MRC2: variants seen among roughly 807,000 people sequenced by gnomAD.
MRC2 encodes C-type mannose receptor 2.
A neutral mutation model predicts 206.2 loss-of-function variants in MRC2; 84 were observed. The observed-to-expected ratio is 0.41, with a 90% CI of 0.34 to 0.49. The LOEUF is 0.49. MRC2 is among the 20% of genes least tolerant of loss of function. The probability of loss-of-function intolerance (pLI) is 0.31; values close to 1 mark genes in which losing one functional copy is unlikely to be tolerated. For missense variants in MRC2, 1,676 were observed against 2,001.5 expected, an observed-to-expected ratio of 0.84 and a Z score of 3.10; for synonymous variants, 798 against 800.0, an observed-to-expected ratio of 1.00 and a Z score of 0.04.
Position 62,680,486 on chromosome 17 carries a change from C to A in MRC2, c.2473+33C>A, listed in dbSNP as rs1209520932. 1 of 1,613,362 alleles carries A rather than the reference C, an allele frequency of 6.2e-7. No individual in the cohort carries two copies. Among genetic ancestry groups the A allele is most frequent in the Non-Finnish European group, 8.5e-7 (1 of 1,179,710 alleles). ...CCCCCCAGCCCATCCCGCTACCCAT[C>A]GCGTGGGAGAGGGCGTCAACTCTGG... On this transcript the variant is annotated intron_variant, in intron 16 of 29. Coordinates refer to ENST00000303375, the MANE Select transcript of MRC2 (RefSeq NM_006039.5). This position sits in a 1 kb window ranked among gnomAD's most constrained non-coding sequence, Gnocchi z 4.8.
chr17:62,680,049 T>C lies in MRC2; in HGVS notation c.2299-121T>C, dbSNP rs2088942691. 11 of 1,531,392 alleles carry C rather than the reference T, an allele frequency of 7.2e-6. No individual in the cohort carries two copies. In the South Asian group the frequency reaches 1.4e-4, roughly 19 times the overall value. 94.9% of individuals were successfully genotyped at this position (1,531,392 alleles called of 1,614,324 possible). ...TTCAGGAAAGCAGGTCCGAGAGGGG[T>C]CACCCGGCCCCCGGTGAGAATTCGC... On this transcript the variant is annotated intron_variant, in intron 14 of 29. Transcript: ENST00000303375. The surrounding 1 kb of genome is among the most constrained non-coding windows in gnomAD (Gnocchi z 4.8).
At chr17:62,646,184 C>T (rs533981755) in intron 1 of MRC2, among the ~76,000 whole-genome samples, 1 of 152,026 alleles carries the variant, frequency 6.6e-6, no homozygotes, top group South Asian at 2.1e-4. Flanking sequence ...GCCACCATGC[C>T]CAGCTAATTT....
chr17:62,676,580 G>T lies in MRC2; in HGVS notation c.1834+49G>T. The T allele has an allele frequency of 2.6e-6, 4 of 1,543,270 alleles. 1 individual carries two copies. Among genetic ancestry groups the T allele is most frequent in the Non-Finnish European group, 3.5e-6 (4 of 1,145,774 alleles). On this transcript the variant is annotated intron_variant, in intron 11 of 29. Transcript: ENST00000303375. Reference sequence around the variant, plus strand: ...TTGGTGAAGCGAGGAGGGAGGCCAGGGTGGACTGGCCCTGCCAGCACCGAG... The same window carrying T: ...TTGGTGAAGCGAGGAGGGAGGCCAGTGTGGACTGGCCCTGCCAGCACCGAG...
Position 62,682,362 on chromosome 17 carries a change from C to T in MRC2, c.2931C>T (p.Ile977=). The part of the protein sequence containing the change: ...TALGGCPSDW[I]QFLNKCFQVQ... Reference sequence around the variant, plus strand: ...TGGGGGGCTGCCCCTCTGACTGGATCCAGTTCCTCAACAAGGTAGGAGGTG... The same window carrying T: ...TGGGGGGCTGCCCCTCTGACTGGATTCAGTTCCTCAACAAGGTAGGAGGTG... Residue 977 remains isoleucine, a synonymous_variant, in exon 20 of 30, where the codon ATC becomes ATT. Coordinates refer to ENST00000303375, the MANE Select transcript of MRC2 (RefSeq NM_006039.5). 6.2e-7 allele frequency: 1 copy of T among 1,606,460 alleles called. No homozygotes were observed. Among genetic ancestry groups the T allele is most frequent in the Non-Finnish European group, 8.5e-7 (1 of 1,177,244 alleles).
chr17:62,664,163 T>G lies in MRC2; in HGVS notation c.119-385T>G, dbSNP rs939218552. 5.9e-4 allele frequency among the ~76,000 whole-genome samples: 90 copies of G among 151,834 alleles called. 1 individual carries two copies. Among genetic ancestry groups the G allele is most frequent in the African/African-American group, 1.9e-3 (78 of 41,408 alleles). On this transcript the variant is annotated intron_variant, in intron 1 of 29. Transcript: ENST00000303375. This position sits in a 1 kb window ranked among gnomAD's most constrained non-coding sequence, Gnocchi z 4.7. Reference sequence around the variant, plus strand: ...TTTAGTAGAGACGGGGTTTCACCGTTTTAGCCGGGATGGTCTCGATCTCCT... The same window carrying G: ...TTTAGTAGAGACGGGGTTTCACCGTGTTAGCCGGGATGGTCTCGATCTCCT...
chr17:62,679,727 CA>C, intron 13 of MRC2, 72 bp from the exon 14 acceptor site: 7 of 1,440,680 alleles, frequency 4.9e-6, no homozygotes, highest in Admixed American at 1.9e-5. Context: ...CTGCAAGGGA[CA>C]GGGGGCACGT....
intron 1 of MRC2, among the ~76,000 whole-genome samples, chr17:62,648,025 G>A (rs1378386326): frequency 3.3e-5 from 5 of 152,190 alleles, no homozygotes; most frequent in African/African-American, 4.8e-5. Context: ...CAAGTGACTC[G>A]CTCAGGAACT....
chr17:62,635,699 A>G (rs1441865315), intron 1 of MRC2, among the ~76,000 whole-genome samples: 2 of 152,082 alleles, frequency 1.3e-5, no homozygotes, highest in Non-Finnish European at 2.9e-5. Context: ...CTGTTACTCC[A>G]GTGCGTTTGG....
rs1303818558 is a variant in MRC2, at chr17:62,666,878, A to G, written c.973+8A>G. ...ACCTCAACTGGGAGAGTGGTGAGGC[A>G]CAAGGTTGGGGGCGCAGGGCAGCAT... On this transcript the variant is annotated splice_region_variant and intron_variant, in intron 5 of 29. Coordinates refer to ENST00000303375, the MANE Select transcript of MRC2 (RefSeq NM_006039.5). This position sits in a 1 kb window ranked among gnomAD's most constrained non-coding sequence, Gnocchi z 5.0. The G allele has an allele frequency of 5.0e-6, 8 of 1,612,598 alleles. No homozygotes were observed. The highest frequency in any genetic ancestry group is 6.8e-6 in the Non-Finnish European group (8 of 1,179,078).
At position 62,677,387 on chromosome 17, in the gene MRC2, A is replaced by G; in HGVS notation, c.1953A>G (p.Pro651=). The G allele has an allele frequency of 1.2e-6, 2 of 1,610,840 alleles. No individual in the cohort carries two copies. The highest frequency in any genetic ancestry group is 2.2e-5 in the East Asian group (1 of 44,792). ...RYICRQSLGT[P]VTPELPGPDP... ...TCTGCCGGCAGAGCCTGGGCACTCC[A>G]GTGACGCCGGAGCTGCCGGGGCCAG... The change falls in exon 12 of 30, where the codon CCA becomes CCG. Residue 651 remains proline, a synonymous_variant. Transcript: ENST00000303375.
intron 28 of MRC2, among the ~76,000 whole-genome samples, chr17:62,691,851 G>A (rs958119940): frequency 6.6e-6 from 1 of 152,060 alleles, no homozygotes; most frequent in Non-Finnish European, 1.5e-5. Context: ...GTTAGGGAAG[G>A]GGCTGACACC....
chr17:62,688,349 T>G lies in MRC2; in HGVS notation c.3007T>G (p.Ser1003Ala), dbSNP rs1179277536. The change falls in exon 21 of 30, where the codon TCC becomes GCC. Residue 1003 changes from serine (S) to alanine (A), a missense_variant. Coordinates refer to ENST00000303375, the MANE Select transcript of MRC2 (RefSeq NM_006039.5). ...GGTGAAGTGGTCAGAGGCACAGTTC[T>G]CCTGTGAACAGCAAGAGGCCCAGCT... Reference protein sequence around the residue: ...SRVKWSEAQFSCEQQEAQLVT... With the variant: ...SRVKWSEAQFACEQQEAQLVT... The G allele has an allele frequency of 3.7e-6, 6 of 1,614,076 alleles. No individual in the cohort carries two copies. The highest frequency in any genetic ancestry group is 5.1e-6 in the Non-Finnish European group (6 of 1,180,048).
At chr17:62,687,726 A>G (rs1292520780) in intron 20 of MRC2, among the ~76,000 whole-genome samples, 2 of 152,190 alleles carry the variant, frequency 1.3e-5, no homozygotes, top group African/African-American at 2.4e-5. Flanking sequence ...TACTAAAAAT[A>G]CAAAAAATTA....
intron 1 of MRC2, among the ~76,000 whole-genome samples, chr17:62,655,298 T>G (rs2088604378): frequency 7.3e-6 from 1 of 136,554 alleles, no homozygotes; most frequent in East Asian, 2.2e-4. Context: ...CACAAACACT[T>G]TGGGAGGCCA....
intron 24 of MRC2, 29 bp from the exon 25 acceptor site, chr17:62,689,865 C>A: frequency 1.3e-6 from 2 of 1,568,818 alleles, no homozygotes; most frequent in Non-Finnish European, 1.7e-6. Flanking sequence ...CTATTCCCTT[C>A]CTCCCACCCC....
At chr17:62,655,063 A>C (rs1446575577) in intron 1 of MRC2, among the ~76,000 whole-genome samples, 1 of 152,254 alleles carries the variant, frequency 6.6e-6, no homozygotes, top group African/African-American at 2.4e-5. Flanking sequence ...AGGCAGGCGG[A>C]TCACGAGGTC....
chr17:62,677,266 C>T lies in MRC2; in HGVS notation c.1835-3C>T, dbSNP rs1266616557. On this transcript the variant is annotated splice_region_variant and splice_polypyrimidine_tract_variant and intron_variant, in intron 11 of 29. Coordinates refer to ENST00000303375, the MANE Select transcript of MRC2 (RefSeq NM_006039.5). ...GCCTGGGTCTCCCTTCCCTCTCCTT[C>T]AGGGTACAGCCGTGGGGGCTGCGTG... 17 of 1,583,414 alleles carry T rather than the reference C, an allele frequency of 1.1e-5. No individual in the cohort carries two copies. The highest frequency in any genetic ancestry group is 1.5e-5 in the Non-Finnish European group (17 of 1,162,888).
At chr17:62,640,927 C>T (rs2088394612) in intron 1 of MRC2, among the ~76,000 whole-genome samples, 4 of 151,928 alleles carry the variant, frequency 2.6e-5, no homozygotes, top group South Asian at 2.1e-4. Flanking sequence ...TGGTCTCGAT[C>T]TCCTGACCTC....
chr17:62,662,154 A>G (rs973657400), intron 1 of MRC2, among the ~76,000 whole-genome samples: 2 of 151,740 alleles, frequency 1.3e-5, no homozygotes, highest in African/African-American at 2.4e-5. Context: ...GGAGGCTGAG[A>G]CAGAAGAATC....
Sources: gnomAD v4.1 joint callset for allele counts (sites outside exome capture counted in the v4.1 genomes callset) on GRCh38, gnomAD v4.1.1 for gene constraint, Gnocchi (gnomAD v3.1) non-coding constraint, MANE v1.5 for transcripts, NCBI Gene and HGNC (gene_info 2026-07-23, HGNC 2026-07-21) for gene names.